CDC16: variants seen among roughly 807,000 people sequenced by gnomAD.
The protein encoded by CDC16 is cell division cycle protein 16 homolog.
In CDC16, 34 loss-of-function variants were observed where a neutral mutation model predicts 87.0. The ratio of observed to expected loss-of-function variants is 0.39; its 90% CI spans 0.30 to 0.52. The LOEUF is 0.52. Among genes scored for constraint, CDC16 ranks in the 20% least tolerant of loss-of-function variants. CDC16 has a pLI of 0.74. For missense variants in CDC16, 653 were observed against 751.9 expected (o/e 0.87, Z 1.54); for synonymous variants, 263 against 260.6 (o/e 1.01, Z -0.09).
At chr13:114,261,620 A>G (rs924522845) in intron 14 of CDC16, among the ~76,000 whole-genome samples, 10 of 152,072 alleles carry the variant, frequency 6.6e-5, no homozygotes, top group African/African-American at 2.4e-4. Context: ...GTTTGAGGGA[A>G]AGCTCTGAGT....
intron 5 of CDC16, among the ~76,000 whole-genome samples, chr13:114,241,221 C>CTT (rs1320403893): frequency 6.6e-6 from 1 of 152,120 alleles, no homozygotes; most frequent in Non-Finnish European, 1.5e-5. Context: ...TCACAGACTT[C>CTT]TATAAGTTAG....
chr13:114,246,593 C>G (rs930487343), intron 10 of CDC16, among the ~76,000 whole-genome samples: 2 of 152,156 alleles, frequency 1.3e-5, no homozygotes, highest in African/African-American at 4.8e-5. Flanking sequence ...CAAGAGAAAA[C>G]CAGCTAAATA....
intron 17 of CDC16, among the ~76,000 whole-genome samples, chr13:114,270,463 G>C (rs1391076879): frequency 1.3e-5 from 2 of 152,164 alleles, no homozygotes; most frequent in East Asian, 1.9e-4. Flanking sequence ...GTGGGACACA[G>C]ATCCAAACCA....
At position 114,257,171 on chromosome 13, in the gene CDC16, T is replaced by C. The variant is rs1303723890; in HGVS notation, c.1191T>C (p.Ile397=). The part of the protein sequence containing the change: ...AERFFSQALS[I]APEDPFVMHE... Reference sequence around the variant, plus strand: ...GGTTCTTCAGCCAAGCTCTGAGCATTGCACCGGAAGACCCTTTTGTTATGC... The same window carrying C: ...GGTTCTTCAGCCAAGCTCTGAGCATCGCACCGGAAGACCCTTTTGTTATGC... The change falls in exon 13 of 18, where the codon ATT becomes ATC. Residue 397 remains isoleucine (I), a synonymous_variant. Transcript: ENST00000356221. 1 of 1,613,640 alleles carries C rather than the reference T, an allele frequency of 6.2e-7. No individual in the cohort carries two copies. Among genetic ancestry groups the C allele is most frequent in the Non-Finnish European group, 8.5e-7 (1 of 1,179,618 alleles).
rs747941242 is a variant in CDC16, at chr13:114,244,973, A to C, written c.847+4A>C. 2 of 1,531,946 alleles carry C rather than the reference A, an allele frequency of 1.3e-6. No individual in the cohort carries two copies. Among genetic ancestry groups the C allele is most frequent in the Admixed American group, 3.7e-5 (2 of 54,240 alleles). 94.9% of individuals were successfully genotyped at this position (1,531,946 alleles called of 1,614,324 possible). ...GTAGAGCTGAATAAAGCCAATGGTA[A>C]GACTTTTTTTTAAATTAAAGTAATT... On this transcript the variant is annotated splice_donor_region_variant and intron_variant, in intron 9 of 17. Coordinates refer to ENST00000356221, the MANE Select transcript of CDC16 (RefSeq NM_001078645.3).
intron 17 of CDC16, among the ~76,000 whole-genome samples, chr13:114,270,389 A>G (rs2083538209): frequency 1.3e-5 from 2 of 152,168 alleles, no homozygotes. Context: ...CACCCCCATG[A>G]TCCAGTCACC....
intron 10 of CDC16, 70 bp downstream of exon 10, chr13:114,246,119 AT>A: frequency 1.5e-6 from 1 of 668,284 alleles, no homozygotes; most frequent in Non-Finnish European, 2.5e-6. Flanking sequence ...CTTAACTCGT[AT>A]TTAGACAATA....
chr13:114,262,822 T>G (rs1229335280), intron 15 of CDC16, 57 bp from the exon 16 acceptor site: 1 of 1,591,014 alleles, frequency 6.3e-7, no homozygotes. Flanking sequence ...GTTGCTCATC[T>G]TAGACTTAGG....
chr13:114,260,011 G>A (rs2082741643), intron 14 of CDC16, among the ~76,000 whole-genome samples: 1 of 152,206 alleles, frequency 6.6e-6, no homozygotes, highest in South Asian at 2.1e-4. Context: ...AACAGTTTTA[G>A]ATACCATAAA....
At chr13:114,247,079 TAGTG>T (rs2081912083) in intron 11 of CDC16, 75 bp downstream of exon 11, 4 of 850,964 alleles carry the variant, frequency 4.7e-6, no homozygotes, top group African/African-American at 1.7e-5. Context: ...AAGTAGTAAT[TAGTG>T]AGTACTTTAA....
Position 114,263,138 on chromosome 13 carries a change from T to A in CDC16, c.1512+124T>A, listed in dbSNP as rs545624221. ...ATATTCTTTAGGCAACCTTACGTGT[T>A]ATTCTTTTCTTTGCAGAGAAAAGCA... is the stretch of plus-strand genomic sequence containing the variant. On this transcript the variant is annotated intron_variant, in intron 16 of 17. Transcript: ENST00000356221. The A allele has an allele frequency of 6.3e-6, 5 of 794,316 alleles. No individual in the cohort carries two copies. The Admixed American group carries it at 1.2e-4, about 20-fold the overall frequency. The allele number at this position is 794,316 out of a possible 1,614,324, so 49.2% of individuals were successfully genotyped here. A position where few individuals can be genotyped will look rare whatever the true frequency, so the allele number is the denominator to read the frequency against.
chr13:114,260,387 C>T (rs2082765322), intron 14 of CDC16, among the ~76,000 whole-genome samples: 1 of 152,196 alleles, frequency 6.6e-6, no homozygotes, highest in South Asian at 2.1e-4. Context: ...TGCCACTTGC[C>T]ACCTTGTCAG....
At chr13:114,236,961 C>A in intron 3 of CDC16, 65 bp downstream of exon 3, 1 of 1,083,024 alleles carries the variant, frequency 9.2e-7, no homozygotes, top group Admixed American at 2.6e-5. Flanking sequence ...AGTGGCCGGG[C>A]GCGGTGGCTT....
intron 12 of CDC16, among the ~76,000 whole-genome samples, chr13:114,253,266 AT>A (rs1255604173): frequency 2.6e-5 from 4 of 152,208 alleles, no homozygotes; most frequent in Non-Finnish European, 5.9e-5. Flanking sequence ...GTCATTGGTT[AT>A]TTAAGAATAT....
intron 1 of CDC16, among the ~76,000 whole-genome samples, chr13:114,236,440 G>A (rs1296599391): frequency 4.6e-5 from 7 of 152,060 alleles, no homozygotes; most frequent in Non-Finnish European, 1.0e-4. Context: ...AGATATTACA[G>A]GAATGTTTGT....
chr13:114,264,652 C>T (rs1181093245), intron 16 of CDC16, among the ~76,000 whole-genome samples: 1 of 152,082 alleles, frequency 6.6e-6, no homozygotes, highest in African/African-American at 2.4e-5. Flanking sequence ...TGCTTTGTCG[C>T]CTAGGCTAGA....
chr13:114,257,488 C>T (rs564681674), intron 13 of CDC16, among the ~76,000 whole-genome samples: 1 of 152,324 alleles, frequency 6.6e-6, no homozygotes, highest in Non-Finnish European at 1.5e-5. Flanking sequence ...TCAGATTACA[C>T]ATACCCCACA....
At chr13:114,253,647 C>T (rs2082324678) in intron 12 of CDC16, among the ~76,000 whole-genome samples, 2 of 151,358 alleles carry the variant, frequency 1.3e-5, no homozygotes, top group African/African-American at 4.9e-5. Flanking sequence ...TGAGATCGCA[C>T]CACTGCACTC....
intron 17 of CDC16, among the ~76,000 whole-genome samples, chr13:114,266,729 T>C (rs1282106499): frequency 6.6e-6 from 1 of 152,118 alleles, no homozygotes; most frequent in Non-Finnish European, 1.5e-5. Flanking sequence ...AGTCTCGCTC[T>C]GTCGCCCAGG....
Sources: allele counts gnomAD v4.1 joint callset (sites outside exome capture counted in the v4.1 genomes callset), GRCh38; gene constraint gnomAD v4.1.1; transcripts MANE v1.5; gene names NCBI Gene and HGNC (gene_info 2026-07-23, HGNC 2026-07-21).